RABGAP1L: variants seen among roughly 807,000 people sequenced by gnomAD.
RABGAP1L encodes the protein RAB GTPase activating protein 1 like, also known as rab GTPase-activating protein 1-like.
A neutral mutation model predicts 137.7 loss-of-function variants in RABGAP1L; 63 were observed. That is an observed-to-expected ratio of 0.46 (90% confidence interval 0.37 to 0.56). The LOEUF (loss-of-function observed/expected upper bound fraction) is 0.56. Ranked by LOEUF, RABGAP1L falls within the 20% of genes least tolerant of loss-of-function variation. RABGAP1L has a pLI of 0.00. For missense variants in RABGAP1L, 1,095 were observed against 1,244.0 expected (o/e 0.88, Z 1.80); for synonymous variants, 431 against 433.7 (o/e 0.99, Z 0.08).
At chr1:174,415,361 T>G (rs1650428212) in intron 13 of RABGAP1L, among the ~76,000 whole-genome samples, 1 of 152,128 alleles carries the variant, frequency 6.6e-6, no homozygotes, top group Non-Finnish European at 1.5e-5. Context: ...TAATAAGTGA[T>G]GAACAGGCTC....
chr1:174,715,027 A>G (rs1680888570), intron 17 of RABGAP1L, among the ~76,000 whole-genome samples: 1 of 152,180 alleles, frequency 6.6e-6, no homozygotes, highest in Non-Finnish European at 1.5e-5. Context: ...ATAGGGCGTA[A>G]TCTTTAAAAT....
At chr1:174,909,886 TC>T (rs1483261247) in intron 19 of RABGAP1L, among the ~76,000 whole-genome samples, 2 of 152,142 alleles carry the variant, frequency 1.3e-5, no homozygotes, top group African/African-American at 4.8e-5. Context: ...ATGCCTGTAA[TC>T]CCAGCACTTT....
At chr1:174,902,700 T>C (rs1031958635) in intron 19 of RABGAP1L, among the ~76,000 whole-genome samples, 2 of 152,144 alleles carry the variant, frequency 1.3e-5, no homozygotes, top group African/African-American at 4.8e-5. Flanking sequence ...CCAGGTGGGG[T>C]TGCACAATCA....
At chr1:174,793,190 C>T (rs537063051) in intron 18 of RABGAP1L, among the ~76,000 whole-genome samples, 47 of 151,994 alleles carry the variant, frequency 3.1e-4, no homozygotes, top group Non-Finnish European at 6.5e-4. Flanking sequence ...CAAAATGACT[C>T]TCTACAGACC....
chr1:174,349,883 G>T (rs1311111764), intron 11 of RABGAP1L, among the ~76,000 whole-genome samples: 5 of 141,416 alleles, frequency 3.5e-5, no homozygotes, highest in Admixed American at 2.1e-4. Flanking sequence ...CTCCCTCCTG[G>T]ATGGGGCGGC....
intron 13 of RABGAP1L, among the ~76,000 whole-genome samples, chr1:174,632,932 G>A (rs574982500): frequency 9.2e-5 from 14 of 152,136 alleles, no homozygotes; most frequent in South Asian, 6.2e-4. Flanking sequence ...TCCGTTGCTG[G>A]TGAGGAACTG....
At chr1:174,274,805 T>C (rs1185561291) in intron 8 of RABGAP1L, among the ~76,000 whole-genome samples, 1 of 152,012 alleles carries the variant, frequency 6.6e-6, no homozygotes, top group African/African-American at 2.4e-5. Context: ...AAAATATACA[T>C]AGTAATTACC....
intron 1 of RABGAP1L, among the ~76,000 whole-genome samples, chr1:174,216,615 T>A (rs1669346247): frequency 6.8e-6 from 1 of 147,880 alleles, no homozygotes; most frequent in Admixed American, 6.8e-5. Context: ...TGTGGTATAA[T>A]CATCCAATAC....
At chr1:174,543,547 C>T (rs1294045788) in intron 13 of RABGAP1L, among the ~76,000 whole-genome samples, 3 of 152,108 alleles carry the variant, frequency 2.0e-5, no homozygotes, top group Admixed American at 2.0e-4. Context: ...ACTCTTTATC[C>T]AATTTAACAG....
intron 14 of RABGAP1L, among the ~76,000 whole-genome samples, chr1:174,641,641 G>T (rs904511719): frequency 6.6e-6 from 1 of 152,076 alleles, no homozygotes. Flanking sequence ...AACATGAGAT[G>T]TAAAAATCTG....
At chr1:174,367,760 C>G (rs1684776597) in intron 11 of RABGAP1L, 2 of 197,336 alleles carry the variant, frequency 1.0e-5, no homozygotes, top group African/African-American at 4.7e-5. Flanking sequence ...CAGTGATTAT[C>G]CATAAGGATG....
intron 13 of RABGAP1L, among the ~76,000 whole-genome samples, chr1:174,560,222 AC>A (rs1557848977): frequency 6.6e-6 from 1 of 152,064 alleles, no homozygotes; most frequent in Non-Finnish European, 1.5e-5. Context: ...TGTCAAGAAG[AC>A]TTTTTTTTCT....
intron 19 of RABGAP1L, among the ~76,000 whole-genome samples, chr1:174,935,768 G>A (rs971965165): frequency 6.6e-6 from 1 of 152,050 alleles, no homozygotes; most frequent in African/African-American, 2.4e-5. Flanking sequence ...GATCACCTGA[G>A]ATCAGGAGTT....
At chr1:174,299,590 A>G (rs764539842) in intron 10 of RABGAP1L, among the ~76,000 whole-genome samples, 4 of 152,276 alleles carry the variant, frequency 2.6e-5, no homozygotes, top group Non-Finnish European at 5.9e-5. Context: ...AGAAACAAAC[A>G]TGCTCCAAAT....
intron 11 of RABGAP1L, among the ~76,000 whole-genome samples, chr1:174,319,186 A>G (rs1440721623): frequency 6.6e-6 from 1 of 152,090 alleles, no homozygotes; most frequent in Non-Finnish European, 1.5e-5. Flanking sequence ...CTTGTAAGAC[A>G]GATCTGGTGA....
chr1:174,496,977 T>C (rs189914206), intron 13 of RABGAP1L, among the ~76,000 whole-genome samples: 2 of 152,328 alleles, frequency 1.3e-5, no homozygotes, highest in East Asian at 1.9e-4. Context: ...ATTTCTTGAA[T>C]GTCTCAGTCA....
intron 13 of RABGAP1L, among the ~76,000 whole-genome samples, chr1:174,510,904 C>A (rs1662274933): frequency 6.6e-6 from 1 of 152,014 alleles, no homozygotes; most frequent in African/African-American, 2.4e-5. Context: ...TTTTTCAGGC[C>A]ACAATAAAAC....
chr1:174,830,003 T>G (rs927489870), intron 19 of RABGAP1L, among the ~76,000 whole-genome samples: 2 of 148,040 alleles, frequency 1.4e-5, no homozygotes, highest in African/African-American at 4.9e-5. Context: ...GGCTAGGTGG[T>G]TCTTCTGTTG....
intron 17 of RABGAP1L, among the ~76,000 whole-genome samples, chr1:174,737,379 A>T (rs1683045665): frequency 1.3e-5 from 2 of 152,212 alleles, no homozygotes; most frequent in Non-Finnish European, 2.9e-5. Flanking sequence ...GGTAGGGAAT[A>T]ACAAGGGTGA....
Sources: gnomAD v4.1 joint callset for allele counts (sites outside exome capture counted in the v4.1 genomes callset) on GRCh38, gnomAD v4.1.1 for gene constraint, MANE v1.5 for transcripts, NCBI Gene and HGNC (gene_info 2026-07-23, HGNC 2026-07-21) for gene names.